DDX27: variants seen among roughly 807,000 people sequenced by gnomAD.
DDX27 encodes probable ATP-dependent RNA helicase DDX27.
Under a neutral mutation model 99.3 loss-of-function variants are expected in DDX27, and 42 were observed. The ratio of observed to expected loss-of-function variants is 0.42; its 90% CI spans 0.33 to 0.55. The LOEUF (loss-of-function observed/expected upper bound fraction) is 0.55, where lower values mean the gene tolerates loss of function less well. Among genes scored for constraint, DDX27 ranks in the 20% least tolerant of loss-of-function variants. The pLI is 0.07. For synonymous variants in DDX27, 329 were observed against 353.8 expected, an observed-to-expected ratio of 0.93 and a Z score of 0.79; for missense variants, 798 against 976.8, an observed-to-expected ratio of 0.82 and a Z score of 2.44.
chr20:49,221,808 CTT>C (rs11475081), intron 2 of DDX27, among the ~76,000 whole-genome samples: 27 of 132,130 alleles, frequency 2.0e-4, no homozygotes, highest in Admixed American at 2.3e-4. Context: ...GACTCACTGT[CTT>C]TTTTTTTTTT....
At chr20:49,240,364 C>A (rs1980438310) in intron 16 of DDX27, among the ~76,000 whole-genome samples, 1 of 152,168 alleles carries the variant, frequency 6.6e-6, no homozygotes, top group South Asian at 2.1e-4. Flanking sequence ...TTGTTCTATG[C>A]CTCGCCTTTT....
chr20:49,226,191 G>C (rs1010603108), intron 6 of DDX27, among the ~76,000 whole-genome samples: 3 of 152,074 alleles, frequency 2.0e-5, no homozygotes, highest in African/African-American at 7.2e-5. Context: ...TTGTTTTTTG[G>C]TCTGTTTCTA....
chr20:49,243,590 AAC>A (rs1310289775), intron 19 of DDX27, 37 bp from the exon 20 acceptor site: 1 of 1,597,476 alleles, frequency 6.3e-7, no homozygotes, highest in African/African-American at 1.3e-5. Flanking sequence ...CCATTTGTTC[AAC>A]AGTTTGCTCA....
At chr20:49,233,070 A>G (rs1319372588) in intron 9 of DDX27, among the ~76,000 whole-genome samples, 1 of 152,170 alleles carries the variant, frequency 6.6e-6, no homozygotes, top group Non-Finnish European at 1.5e-5. Context: ...AGTGCTTAGG[A>G]GTTGTGTGCT....
chr20:49,233,086 AT>A (rs1384132795), intron 9 of DDX27, among the ~76,000 whole-genome samples: 1 of 152,196 alleles, frequency 6.6e-6, no homozygotes, highest in African/African-American at 2.4e-5. Context: ...GTGCTGAAAT[AT>A]TTGGGGTAAG....
At chr20:49,241,830 T>TTATC in intron 16 of DDX27, 63 bp from the exon 17 acceptor site, 1 of 1,562,280 alleles carries the variant, frequency 6.4e-7, no homozygotes, top group Non-Finnish European at 8.8e-7. Context: ...CGTGCACTTC[T>TTATC]TATCGTAAGC....
In DDX27 at chr20:49,236,021, G is replaced by C. The variant is rs1980293103; in HGVS notation, c.1428-129G>C. 3 of 801,290 alleles carry C rather than the reference G, an allele frequency of 3.7e-6. No individual in the cohort carries two copies. The South Asian group carries it at 6.0e-5, about 16-fold the overall frequency. 49.6% of individuals were successfully genotyped at this position (801,290 alleles called of 1,614,324 possible). ...GCCTCCCAAAGTGCTGGGATTACAG[G>C]CGTGAGCCACCGTGCCCAGCCTCTA... is the stretch of plus-strand genomic sequence containing the variant. On this transcript the variant is annotated intron_variant, in intron 12 of 20. Coordinates refer to ENST00000618172, the MANE Select transcript of DDX27 (RefSeq NM_017895.8). This position sits in a 1 kb window ranked among gnomAD's most constrained non-coding sequence, Gnocchi z 4.1.
Position 49,236,927 on chromosome 20 carries a change from T to G in DDX27, c.1687+417T>G, listed in dbSNP as rs1980328324. Among the ~76,000 whole-genome samples the G allele has an allele frequency of 6.6e-6, 1 of 152,172 alleles. No homozygotes were observed. Among genetic ancestry groups the G allele is most frequent in the Admixed American group, 6.5e-5 (1 of 15,270 alleles). ...TAAAGTCTTTTTTTGTTTTGTTTTG[T>G]TCTTGAATTCCTAGGCTCAAGCAAT... On this transcript the variant is annotated intron_variant, in intron 14 of 20. Transcript: ENST00000618172. This position sits in a 1 kb window ranked among gnomAD's most constrained non-coding sequence, Gnocchi z 4.1.
At chr20:49,229,388 A>C (rs1190737697) in intron 8 of DDX27, among the ~76,000 whole-genome samples, 1 of 152,148 alleles carries the variant, frequency 6.6e-6, no homozygotes, top group African/African-American at 2.4e-5. Flanking sequence ...ACCAACCTTC[A>C]CAAATGAAAC....
At position 49,236,221 on chromosome 20, in the gene DDX27, G is replaced by A. The variant is rs957074506; in HGVS notation, c.1499G>A (p.Gly500Glu). ...DVAARGLDIE[G>E]VKTVINFTMP... ...GCAGCCCGTGGACTTGACATTGAGG[G>A]GGTCAAAACGGTGAGCAGACACTAT... The change falls in exon 13 of 21, where the codon GGG becomes GAG. Residue 500 changes from glycine (G) to glutamate (E), a missense_variant. This residue lies in a region of DDX27 where 553 missense variants were observed against 727.9 expected (regional missense o/e 0.76). Transcript: ENST00000618172. The surrounding 1 kb of genome is among the most constrained non-coding windows in gnomAD (Gnocchi z 4.1). The A allele has an allele frequency of 2.5e-6, 4 of 1,606,730 alleles. No homozygotes were observed. Among genetic ancestry groups the A allele is most frequent in the Non-Finnish European group, 3.4e-6 (4 of 1,176,678 alleles).
At chr20:49,230,469 AC>A in intron 9 of DDX27, 120 bp downstream of exon 9, 1 of 1,200,462 alleles carries the variant, frequency 8.3e-7, no homozygotes. Flanking sequence ...GGTGTGCGAT[AC>A]CAGATCAGCC....
In DDX27 at chr20:49,233,387, G is replaced by A. The variant is rs147285951; in HGVS notation, c.1113G>A (p.Ser371=). Residue 371 remains serine (S), a synonymous_variant, in exon 10 of 21, where the codon TCG becomes TCA. Coordinates refer to ENST00000618172, the MANE Select transcript of DDX27 (RefSeq NM_017895.8). ...ACCACCGCCAGACCATGCTCTTCTC[G>A]GCCACCATGACAGACGAGGTGGGCC... ...CSHHRQTMLF[S]ATMTDEVKDL... is the part of the protein sequence containing the mutation. The A allele has an allele frequency of 1.9e-5, 30 of 1,613,850 alleles. No homozygotes were observed. The highest frequency in any genetic ancestry group is 1.7e-4 in the African/African-American group (13 of 74,902).
Position 49,242,166 on chromosome 20 carries a change from G to A in DDX27, c.2076G>A (p.Arg692=), listed in dbSNP as rs746462390. Residue 692 remains arginine, a synonymous_variant, in exon 18 of 21, where the codon CGG becomes CGA. Coordinates refer to ENST00000618172, the MANE Select transcript of DDX27 (RefSeq NM_017895.8). ...RLAKRNRRAK[R]ARAMPEEEPV... ...CGAAGAGGAATCGCAGAGCCAAGCGGGCCCGAGCAATGCCCGAGGAGGAGC... is the reference window on the plus strand; with the variant it reads ...CGAAGAGGAATCGCAGAGCCAAGCGAGCCCGAGCAATGCCCGAGGAGGAGC... 9.9e-6 allele frequency: 16 copies of A among 1,614,076 alleles called. No homozygotes were observed. Among genetic ancestry groups the A allele is most frequent in the Non-Finnish European group, 1.4e-5 (16 of 1,180,016 alleles).
At chr20:49,230,499 G>A (rs1980069502) in intron 9 of DDX27, 150 bp downstream of exon 9, 10 of 867,818 alleles carry the variant, frequency 1.2e-5, no homozygotes, top group Admixed American at 3.1e-5. Context: ...TGGGGCCTCT[G>A]CCCAGCCTTA....
chr20:49,225,165 T>G lies in DDX27; in HGVS notation c.566T>G (p.Phe189Cys). 1 of 1,614,194 alleles carries G rather than the reference T, an allele frequency of 6.2e-7. No individual in the cohort carries two copies. ...DASQYDENLS[F>C]QDMNLSRPLL... ...TCTCAGTACGATGAAAACCTCTCGT[T>G]CCAGGACATGAACCTTTCCCGCCCT... Residue 189 changes from phenylalanine to cysteine, a missense_variant, in exon 6 of 21, where the codon TTC becomes TGC. Around this residue, in one of 2 missense-constraint regions of DDX27, gnomAD observed 245 missense variants for 248.8 expected, o/e 0.98. Coordinates refer to ENST00000618172, the MANE Select transcript of DDX27 (RefSeq NM_017895.8).
chr20:49,225,089 C>T (rs1300604648), intron 5 of DDX27, 24 bp from the exon 6 acceptor site: 2 of 1,611,874 alleles, frequency 1.2e-6, no homozygotes, highest in South Asian at 2.2e-5. Flanking sequence ...GAATTCTCTT[C>T]TCTCTTTTGG....
chr20:49,220,128 C>T (rs1979588391), intron 1 of DDX27, among the ~76,000 whole-genome samples: 1 of 152,180 alleles, frequency 6.6e-6, no homozygotes, highest in African/African-American at 2.4e-5. Flanking sequence ...ATCTGTCCGC[C>T]TGATAGGTTT....
At chr20:49,242,060 T>A (rs980540644) in intron 17 of DDX27, 23 bp from the exon 18 acceptor site, 1 of 1,614,188 alleles carries the variant, frequency 6.2e-7, no homozygotes, top group Admixed American at 1.7e-5. Flanking sequence ...TGTTCCACAC[T>A]CACACCTCCC....
chr20:49,236,351 C>T lies in DDX27; in HGVS notation c.1528C>T (p.Pro510Ser). 6.2e-7 allele frequency: 1 copy of T among 1,601,426 alleles called. No individual in the cohort carries two copies. Among genetic ancestry groups the T allele is most frequent in the Non-Finnish European group, 8.5e-7 (1 of 1,173,162 alleles). Reference protein sequence around the residue: ...GVKTVINFTMPNTIKHYVHRV... With the variant: ...GVKTVINFTMSNTIKHYVHRV... The stretch of plus-strand genomic sequence containing the variant: ...CTTCTAGGTAATCAACTTCACAATG[C>T]CTAATACCATCAAACATTATGTCCA... The change falls in exon 14 of 21, where the codon CCT becomes TCT. Residue 510 changes from proline (P) to serine (S), a missense_variant. By Grantham distance (74) the Pro-to-Ser change is moderately conservative (BLOSUM62 -1). This residue lies in a region of DDX27 where 553 missense variants were observed against 727.9 expected (regional missense o/e 0.76). Coordinates refer to ENST00000618172, the MANE Select transcript of DDX27 (RefSeq NM_017895.8). The surrounding 1 kb of genome is among the most constrained non-coding windows in gnomAD (Gnocchi z 4.1).
Sources: allele counts gnomAD v4.1 joint callset (sites outside exome capture counted in the v4.1 genomes callset), GRCh38; gene constraint gnomAD v4.1.1; regional missense constraint gnomAD v4.1.1; non-coding constraint Gnocchi (gnomAD v3.1); transcripts MANE v1.5; gene names NCBI Gene and HGNC (gene_info 2026-07-23, HGNC 2026-07-21).